SHANK2: variants seen among roughly 807,000 people sequenced by gnomAD.
SHANK2 encodes the protein SH3 and multiple ankyrin repeat domains protein 2.
In SHANK2, 43 loss-of-function variants were observed where a neutral mutation model predicts 133.7. The ratio of observed to expected loss-of-function variants is 0.32; its 90% CI spans 0.25 to 0.41. SHANK2 has a LOEUF of 0.41. Ranked by LOEUF, SHANK2 falls within the 10% of genes least tolerant of loss-of-function variation. The pLI, the probability that SHANK2 is intolerant of heterozygous loss-of-function variation, is 1.00. For missense variants in SHANK2, 1,994 were observed against 2,235.8 expected (o/e 0.89, Z 2.18); for synonymous variants, 1,017 against 952.8 (o/e 1.07, Z -1.24).
chr11:71,085,893 TA>T (rs1951393932), intron 8 of SHANK2, among the ~76,000 whole-genome samples: 1 of 106 alleles, frequency 9.4e-3, no homozygotes, highest in Non-Finnish European at 0.014. Context: ...AACCTTAATA[TA>T]TATATTAATT....
chr11:71,205,896 C>A (rs1954117536), intron 2 of SHANK2, among the ~76,000 whole-genome samples: 1 of 152,000 alleles, frequency 6.6e-6, no homozygotes, highest in African/African-American at 2.4e-5. Flanking sequence ...AAGGAAAGGC[C>A]CCTCAGCCCT....
intron 17 of SHANK2, among the ~76,000 whole-genome samples, chr11:70,556,390 TC>T (rs1554979580): frequency 0.15 from 3,611 of 23,928 alleles, 142 homozygotes; most frequent in Middle Eastern, 0.29. Flanking sequence ...TCTCTTTCTT[TC>T]TTTCTCTCTC....
At position 71,159,035 on chromosome 11, in the gene SHANK2, G is replaced by C. The variant is rs568215943; in HGVS notation, c.-12-11697C>G. Among the ~76,000 whole-genome samples, 19 of 152,342 alleles carry C rather than the reference G, an allele frequency of 1.2e-4. No individual in the cohort carries two copies. In the South Asian group the frequency reaches 3.7e-3, roughly 30 times the overall value. The stretch of plus-strand genomic sequence containing the variant: ...GTAAGGTCCCTAAGACGGGATTCTG[G>C]CTTCTCAATAAATGCTGCTTTATTG... On this transcript the variant is annotated intron_variant, in intron 2 of 25. Coordinates refer to ENST00000601538, the MANE Select transcript of SHANK2 (RefSeq NM_012309.5).
chr11:71,165,177 G>A (rs1953115834), intron 2 of SHANK2, among the ~76,000 whole-genome samples: 1 of 151,982 alleles, frequency 6.6e-6, no homozygotes, highest in Non-Finnish European at 1.5e-5. Context: ...GGGATTACAG[G>A]CATGTGCCAC....
chr11:71,212,344 T>A (rs1954300659), intron 2 of SHANK2, among the ~76,000 whole-genome samples: 1 of 152,224 alleles, frequency 6.6e-6, no homozygotes. Context: ...ATCCTATAGA[T>A]AAGGTCTTAA....
At chr11:71,213,077 C>T (rs1954318352) in intron 2 of SHANK2, among the ~76,000 whole-genome samples, 1 of 152,094 alleles carries the variant, frequency 6.6e-6, no homozygotes, top group Non-Finnish European at 1.5e-5. Flanking sequence ...ATTTCTACAG[C>T]GTTGCAGGGT....
chr11:70,644,739 G>A (rs1466750373), intron 17 of SHANK2, among the ~76,000 whole-genome samples: 1 of 152,218 alleles, frequency 6.6e-6, no homozygotes, highest in Non-Finnish European at 1.5e-5. Context: ...ACCCCACAGT[G>A]TCACTGAGTC....
chr11:71,063,279 A>G (rs1024457006), intron 9 of SHANK2, among the ~76,000 whole-genome samples: 2 of 152,216 alleles, frequency 1.3e-5, no homozygotes, highest in African/African-American at 2.4e-5. Flanking sequence ...CGGAGTCAAT[A>G]TCATACCTCC....
chr11:70,937,067 G>T (rs1044125968), intron 10 of SHANK2, among the ~76,000 whole-genome samples: 1 of 152,130 alleles, frequency 6.6e-6, no homozygotes, highest in Admixed American at 6.5e-5. Flanking sequence ...ACATACTTCT[G>T]CCCTGACAAA....
intron 3 of SHANK2, 133 bp from the exon 4 acceptor site, chr11:71,119,165 G>T: frequency 3.0e-6 from 2 of 666,782 alleles, no homozygotes; most frequent in Non-Finnish European, 5.0e-6. Context: ...TGAACCCACG[G>T]CTTTTCACAG....
At chr11:71,063,393 A>T (rs1590877165) in intron 9 of SHANK2, among the ~76,000 whole-genome samples, 1 of 152,146 alleles carries the variant, frequency 6.6e-6, no homozygotes, top group African/African-American at 2.4e-5. Context: ...TAACAATGAT[A>T]CCTCCATGTA....
At position 71,141,114 on chromosome 11, in the gene SHANK2, G is replaced by A. The variant is rs145252190; in HGVS notation, c.207+6006C>T. ...AGTGGGGCTCCCGGGGCTGGCTGGC[G>A]TCCTACGCCTTCCTCCACCTGCAGG... On this transcript the variant is annotated intron_variant, in intron 3 of 25. Coordinates refer to ENST00000601538, the MANE Select transcript of SHANK2 (RefSeq NM_012309.5). Among the ~76,000 whole-genome samples, 260 of 152,344 alleles carry A rather than the reference G, an allele frequency of 1.7e-3. 1 individual carries two copies. Among genetic ancestry groups the A allele is most frequent in the African/African-American group, 5.7e-3 (237 of 41,570 alleles).
chr11:70,487,785 G>A lies in SHANK2; in HGVS notation c.2573-65C>T, dbSNP rs201361422. On this transcript the variant is annotated intron_variant, in intron 24 of 25. Coordinates refer to ENST00000601538, the MANE Select transcript of SHANK2 (RefSeq NM_012309.5). The surrounding 1 kb of genome is among the most constrained non-coding windows in gnomAD (Gnocchi z 5.8). ...CAACAAAGCCTAAGTTCCTAGGAAC[G>A]TGCGATACGCTACATCTCCACAAAC... is the stretch of plus-strand genomic sequence containing the variant. The A allele has an allele frequency of 3.5e-4, 541 of 1,549,618 alleles. 4 individuals are homozygous for A. The East Asian group carries it at 9.8e-3, about 28-fold the overall frequency.
intron 8 of SHANK2, among the ~76,000 whole-genome samples, chr11:71,080,185 C>A (rs1951279180): frequency 6.6e-6 from 1 of 152,056 alleles, no homozygotes; most frequent in Non-Finnish European, 1.5e-5. Flanking sequence ...GCACCCCGTA[C>A]CCACTCTCCT....
At chr11:70,892,372 G>C (rs1949860143) in intron 11 of SHANK2, among the ~76,000 whole-genome samples, 2 of 152,160 alleles carry the variant, frequency 1.3e-5, no homozygotes, top group South Asian at 4.1e-4. Context: ...GGACTGCCCT[G>C]TTGGTGATCT....
At chr11:71,100,667 G>A (rs1951702560) in intron 6 of SHANK2, among the ~76,000 whole-genome samples, 1 of 152,116 alleles carries the variant, frequency 6.6e-6, no homozygotes, top group Non-Finnish European at 1.5e-5. Flanking sequence ...AGGAGATCGA[G>A]ACCATCCTGG....
chr11:70,583,889 C>T (rs941420855), intron 17 of SHANK2, among the ~76,000 whole-genome samples: 23 of 152,206 alleles, frequency 1.5e-4, no homozygotes, highest in African/African-American at 5.1e-4. Context: ...CAGGTTCCCA[C>T]GGCCTGGCCC....
intron 15 of SHANK2, among the ~76,000 whole-genome samples, chr11:70,678,707 T>C (rs1555017767): frequency 6.6e-6 from 1 of 151,894 alleles, no homozygotes; most frequent in African/African-American, 2.4e-5. Flanking sequence ...CACACCCAGC[T>C]AATTTTTGTA....
chr11:70,850,593 G>A (rs566968277), intron 11 of SHANK2, among the ~76,000 whole-genome samples: 3 of 152,274 alleles, frequency 2.0e-5, no homozygotes, highest in Middle Eastern at 3.4e-3. Flanking sequence ...ATGCACGCCC[G>A]AGCTGAGCTC....
Sources: gnomAD v4.1 joint callset for allele counts (sites outside exome capture counted in the v4.1 genomes callset) on GRCh38, gnomAD v4.1.1 for gene constraint, Gnocchi (gnomAD v3.1) non-coding constraint, MANE v1.5 for transcripts, NCBI Gene and HGNC (gene_info 2026-07-23, HGNC 2026-07-21) for gene names.